Variants in DDX19B observed in about 807,000 individuals in gnomAD.
DDX19B encodes the protein ATP-dependent RNA helicase DDX19B.
A neutral mutation model predicts 58.1 loss-of-function variants in DDX19B; 27 were observed. The ratio of observed to expected loss-of-function variants is 0.46; its 90% CI spans 0.34 to 0.64. The LOEUF (loss-of-function observed/expected upper bound fraction) is 0.64. Ranked by LOEUF, DDX19B falls within the 30% of genes least tolerant of loss-of-function variation. The probability of loss-of-function intolerance (pLI) is 0.01; values close to 1 mark genes in which losing one functional copy is unlikely to be tolerated. For missense variants in DDX19B, 399 were observed against 596.5 expected, an observed-to-expected ratio of 0.67 and a Z score of 3.45; for synonymous variants, 187 against 214.4, an observed-to-expected ratio of 0.87 and a Z score of 1.12.
intron 5 of DDX19B, among the ~76,000 whole-genome samples, chr16:70,322,524 G>A (rs1359036284): frequency 6.6e-6 from 1 of 150,998 alleles, no homozygotes; most frequent in Non-Finnish European, 1.5e-5. Context: ...GCATAGTGGC[G>A]GTTGCAGTGA....
intron 1 of DDX19B, among the ~76,000 whole-genome samples, chr16:70,305,977 A>G (rs1202165180): frequency 6.6e-6 from 1 of 151,902 alleles, no homozygotes; most frequent in Non-Finnish European, 1.5e-5. Flanking sequence ...GTTAGCCAGG[A>G]TGGTCTCGAT....
rs752256236 is a variant in DDX19B, at chr16:70,333,076, G to A, written c.1295G>A (p.Arg432His). The A allele has an allele frequency of 1.2e-6, 2 of 1,601,520 alleles. No individual in the cohort carries two copies. The highest frequency in any genetic ancestry group is 2.2e-5 in the East Asian group (1 of 44,662). The change falls in exon 11 of 12, where the codon CGC becomes CAC. Residue 432 changes from arginine to histidine, a missense_variant. This residue lies in a region of DDX19B where 198 missense variants were observed against 345.9 expected (regional missense o/e 0.57). Transcript: ENST00000288071. ...CTGCACCGGATCGGGCGCACGGGCC[G>A]CTTTGGCAAGAGGGGCCTGGCAGTG... ...TYLHRIGRTG[R>H]FGKRGLAVNM...
At chr16:70,317,990 G>A (rs915000922) in intron 5 of DDX19B, 10 of 152,968 alleles carry the variant, frequency 6.5e-5, no homozygotes, top group Non-Finnish European at 1.3e-4. Flanking sequence ...GCTTGAACCC[G>A]GGAGGCAGAG....
chr16:70,311,440 A>G (rs774864131), intron 1 of DDX19B, among the ~76,000 whole-genome samples: 1 of 152,126 alleles, frequency 6.6e-6, no homozygotes, highest in African/African-American at 2.4e-5. Context: ...TACTACATCC[A>G]AAGGCCAAAA....
At chr16:70,296,885 C>A (rs966008414), upstream of DDX19B, among the ~76,000 whole-genome samples, 7 of 151,980 alleles carry the variant, frequency 4.6e-5, no homozygotes, top group African/African-American at 1.7e-4. Flanking sequence ...CACAGAGAAC[C>A]CACCATGGCT....
At chr16:70,291,858 G>C (rs187088311), upstream of DDX19B, among the ~76,000 whole-genome samples, 38 of 151,628 alleles carry the variant, frequency 2.5e-4, 1 homozygote, top group East Asian at 7.2e-3. Flanking sequence ...CCCATTAAGA[G>C]AGATTGTAGG....
rs139116453 is a variant in DDX19B, at chr16:70,302,690, T to C, written c.57+3336T>C. 6.4e-3 allele frequency among the ~76,000 whole-genome samples: 981 copies of C among 152,346 alleles called. 2 individuals carry two copies. The highest frequency in any genetic ancestry group is 0.011 in the Non-Finnish European group (760 of 68,034). ...CAGTCTGAGACAATATGAAGAAAGC[T>C]ACTCTATACATTAAGGTACAGATTT... On this transcript the variant is annotated intron_variant, in intron 1 of 11. Coordinates refer to ENST00000288071, the MANE Select transcript of DDX19B (RefSeq NM_007242.7).
intron 11 of DDX19B, 78 bp from the exon 12 acceptor site, chr16:70,333,443 G>A (rs1409135780): frequency 1.2e-6 from 2 of 1,611,802 alleles, no homozygotes; most frequent in Non-Finnish European, 1.7e-6. Flanking sequence ...GAGCCTTTGG[G>A]GCTGAATGAA....
At chr16:70,324,760 A>G (rs1963051908) in intron 6 of DDX19B, 73 bp downstream of exon 6, 2 of 1,454,048 alleles carry the variant, frequency 1.4e-6, no homozygotes, top group Middle Eastern at 1.8e-4. Flanking sequence ...GGATTAAAAG[A>G]CAAGCTATGG....
At chr16:70,296,322 G>A (rs1961220551), upstream of DDX19B, among the ~76,000 whole-genome samples, 1 of 151,138 alleles carries the variant, frequency 6.6e-6, no homozygotes, top group Non-Finnish European at 1.5e-5. Context: ...TTTTTTAAGA[G>A]GCGATGGTTT....
At chr16:70,330,815 G>C (rs919125809) in intron 9 of DDX19B, among the ~76,000 whole-genome samples, 2 of 151,862 alleles carry the variant, frequency 1.3e-5, no homozygotes, top group Non-Finnish European at 1.5e-5. Context: ...AGGCTGAGGT[G>C]GGGGGATCTT....
chr16:70,330,120 C>T, intron 9 of DDX19B, 52 bp downstream of exon 9: 1 of 1,603,342 alleles, frequency 6.2e-7, no homozygotes, highest in Admixed American at 1.7e-5. Flanking sequence ...AGCCAGCTCC[C>T]CACAGGGCTC....
chr16:70,294,729 G>T, upstream of DDX19B: 1 of 820,130 alleles, frequency 1.2e-6, no homozygotes, highest in Non-Finnish European at 1.8e-6. Flanking sequence ...CCCGAGCGCT[G>T]TACCGTCCCC....
chr16:70,331,933 G>A lies in DDX19B; in HGVS notation c.1186+49G>A, dbSNP rs1963504539. 5.0e-6 allele frequency: 8 copies of A among 1,599,656 alleles called. No individual in the cohort carries two copies. In the East Asian group the frequency reaches 8.9e-5, roughly 18 times the overall value. ...TGGTCTGCCAGGCTTGGGGTCCCAG[G>A]CCCAGTTAGAGCCAGAAATCCTTGT... On this transcript the variant is annotated intron_variant, in intron 10 of 11. Transcript: ENST00000288071.
chr16:70,326,949 C>G (rs1414211490), intron 7 of DDX19B, among the ~76,000 whole-genome samples: 6 of 152,004 alleles, frequency 3.9e-5, no homozygotes, highest in African/African-American at 9.7e-5. Flanking sequence ...ATTCTCCTGC[C>G]TCAGCCTCCT....
upstream of DDX19B, among the ~76,000 whole-genome samples, chr16:70,298,453 C>A (rs1030096139): frequency 1.3e-5 from 2 of 151,772 alleles, no homozygotes; most frequent in South Asian, 4.2e-4. Context: ...CATGAGCCAC[C>A]ACACCTAGCT....
At chr16:70,311,303 C>G (rs997628905) in intron 1 of DDX19B, among the ~76,000 whole-genome samples, 4 of 152,064 alleles carry the variant, frequency 2.6e-5, no homozygotes, top group Non-Finnish European at 4.4e-5. Context: ...TGGCGTGAAC[C>G]CGGAAGGCAG....
chr16:70,296,254 G>C (rs1266527764), upstream of DDX19B, among the ~76,000 whole-genome samples: 1 of 151,540 alleles, frequency 6.6e-6, no homozygotes, highest in East Asian at 1.9e-4. Flanking sequence ...CACCACCTTG[G>C]CCTCCCAAAC....
At chr16:70,313,147 T>C (rs896007041) in intron 2 of DDX19B, among the ~76,000 whole-genome samples, 4 of 149,640 alleles carry the variant, frequency 2.7e-5, no homozygotes, top group African/African-American at 9.7e-5. Flanking sequence ...GCCTCCCGGG[T>C]AGCTGGGACT....
Sources: gnomAD v4.1 joint callset for allele counts (sites outside exome capture counted in the v4.1 genomes callset) on GRCh38, gnomAD v4.1.1 for gene constraint, gnomAD v4.1.1 regional missense constraint, MANE v1.5 for transcripts, NCBI Gene and HGNC (gene_info 2026-07-23, HGNC 2026-07-21) for gene names.